The following RAI1 variants were observed in gnomAD, a reference collection of about 807,000 sequenced individuals.
RAI1 encodes retinoic acid induced 1.
A neutral mutation model predicts 123.8 loss-of-function variants in RAI1; 9 were observed. The observed-to-expected ratio is 0.07, with a 90% CI of 0.04 to 0.13. RAI1 has a LOEUF of 0.13. RAI1 is among the 10% of genes least tolerant of loss of function. The pLI is 1.00. For synonymous variants in RAI1, 1,231 were observed against 1,127.3 expected (o/e 1.09, Z -1.84); for missense variants, 2,256 against 2,545.8 (o/e 0.89, Z 2.45).
chr17:17,766,607 C>G (rs151066542), intron 2 of RAI1, among the ~76,000 whole-genome samples: 5 of 152,204 alleles, frequency 3.3e-5, no homozygotes, highest in African/African-American at 1.2e-4. Flanking sequence ...CCAAGGCAGG[C>G]GGAGAGCACT....
At chr17:17,701,908 G>A (rs1915235760) in intron 1 of RAI1, among the ~76,000 whole-genome samples, 1 of 152,248 alleles carries the variant, frequency 6.6e-6, no homozygotes, top group Admixed American at 6.5e-5. Flanking sequence ...ACAGAGGGGA[G>A]TCAGACTTGG....
At position 17,798,357 on chromosome 17, in the gene RAI1, C is replaced by A; in HGVS notation, c.5409C>A (p.Arg1803=). 6.2e-7 allele frequency: 1 copy of A among 1,606,734 alleles called. No individual in the cohort carries two copies. Among genetic ancestry groups the A allele is most frequent in the Non-Finnish European group, 8.5e-7 (1 of 1,176,712 alleles). Residue 1803 remains arginine (R), a synonymous_variant, in exon 3 of 6, where the codon CGC becomes CGA. Coordinates refer to ENST00000353383, the MANE Select transcript of RAI1 (RefSeq NM_030665.4). The part of the protein sequence containing the change: ...GEEAAPADKG[R]KHECSKEAPA... ...AGGCAGCCCCAGCCGACAAGGGTCG[C>A]AAACATGAGTGCAGCAAGGAGGCTC...
At chr17:17,748,868 G>T (rs2030033678) in intron 2 of RAI1, among the ~76,000 whole-genome samples, 1 of 152,060 alleles carries the variant, frequency 6.6e-6, no homozygotes, top group Non-Finnish European at 1.5e-5. Context: ...AATCACTGGG[G>T]GCTTCAGCCC....
At chr17:17,696,621 C>T (rs1239253851) in intron 1 of RAI1, among the ~76,000 whole-genome samples, 1 of 152,228 alleles carries the variant, frequency 6.6e-6, no homozygotes, top group East Asian at 1.9e-4. Context: ...TTTGTCCTCT[C>T]CCTACCTGTA....
At position 17,682,267 on chromosome 17, in the gene RAI1, C is replaced by T. The variant is rs535379470; in HGVS notation, c.-149+474C>T. 4.1e-3 allele frequency among the ~76,000 whole-genome samples: 626 copies of T among 151,902 alleles called. 3 individuals carry two copies. The highest frequency in any genetic ancestry group is 0.014 in the Middle Eastern group (4 of 292). ...CATGCGTGACCCGGGCCCGGCGTGG[C>T]CATCGCTTGGGAGTCAGGGCCGGCG... On this transcript the variant is annotated intron_variant, in intron 1 of 5. Coordinates refer to ENST00000353383, the MANE Select transcript of RAI1 (RefSeq NM_030665.4).
At chr17:17,701,824 C>T (rs941554286) in intron 1 of RAI1, among the ~76,000 whole-genome samples, 1 of 152,196 alleles carries the variant, frequency 6.6e-6, no homozygotes, top group African/African-American at 2.4e-5. Flanking sequence ...GAGACCAAAG[C>T]CTGAAGCATT....
chr17:17,803,806 A>G lies in RAI1; in HGVS notation c.5616A>G (p.Lys1872=), dbSNP rs1204448546. ...GGGCCACCATTGGGTGCTGCCACAA[A>G]GGATGCCTCCACACCTACCACTACC... ...EAGATIGCCH[K]GCLHTYHYPC... is the part of the protein sequence containing the mutation. Residue 1872 remains lysine, a synonymous_variant, in exon 4 of 6, where the codon AAA becomes AAG. Coordinates refer to ENST00000353383, the MANE Select transcript of RAI1 (RefSeq NM_030665.4). The G allele has an allele frequency of 1.2e-6, 2 of 1,613,430 alleles. No homozygotes were observed. The highest frequency in any genetic ancestry group is 3.3e-5 in the Admixed American group (2 of 60,000).
Position 17,800,506 on chromosome 17 carries a change from C to T in RAI1, c.5565+1993C>T, listed in dbSNP as rs546637641. On this transcript the variant is annotated intron_variant, in intron 3 of 5. Transcript: ENST00000353383. This position sits in a 1 kb window ranked among gnomAD's most constrained non-coding sequence, Gnocchi z 4.7. ...GGAGGGGTCAGCCCCGAGCACCGAC[C>T]ACCCCATCCTGTCCCTGGCCCATGG... Among the ~76,000 whole-genome samples the T allele has an allele frequency of 3.9e-5, 6 of 152,320 alleles. No homozygotes were observed. Among genetic ancestry groups the T allele is most frequent in the Non-Finnish European group, 7.4e-5 (5 of 68,020 alleles).
intron 1 of RAI1, among the ~76,000 whole-genome samples, chr17:17,693,332 TG>T (rs1307919972): frequency 2.0e-5 from 3 of 152,172 alleles, no homozygotes; most frequent in Non-Finnish European, 4.4e-5. Context: ...TGGCAGCCAG[TG>T]GGTTGCTGGG....
intron 1 of RAI1, among the ~76,000 whole-genome samples, chr17:17,707,146 C>T (rs906389034): frequency 2.6e-5 from 4 of 152,054 alleles, no homozygotes; most frequent in African/African-American, 7.2e-5. Context: ...CCCGCCTCTA[C>T]AAAAAATACA....
chr17:17,770,204 G>T (rs185269516), intron 2 of RAI1, among the ~76,000 whole-genome samples: 1 of 152,086 alleles, frequency 6.6e-6, no homozygotes, highest in Non-Finnish European at 1.5e-5. Context: ...GTCTACCTGC[G>T]GGGTAGGGAG....
At chr17:17,728,391 G>T (rs543173974) in intron 2 of RAI1, among the ~76,000 whole-genome samples, 13 of 152,242 alleles carry the variant, frequency 8.5e-5, no homozygotes, top group African/African-American at 1.7e-4. Context: ...TGATCCGCAC[G>T]TTAATTAAAA....
chr17:17,711,829 C>T (rs1329880195), intron 1 of RAI1, among the ~76,000 whole-genome samples: 1 of 152,250 alleles, frequency 6.6e-6, no homozygotes, highest in Non-Finnish European at 1.5e-5. Flanking sequence ...CCTCCTCCTG[C>T]GCACCACATC....
chr17:17,744,379 A>G (rs1270313538), intron 2 of RAI1, among the ~76,000 whole-genome samples: 1 of 152,210 alleles, frequency 6.6e-6, no homozygotes, highest in East Asian at 1.9e-4. Flanking sequence ...CCAGAAAGGC[A>G]AGGCCCCACA....
intron 1 of RAI1, among the ~76,000 whole-genome samples, chr17:17,715,317 C>G (rs535056155): frequency 6.6e-6 from 1 of 152,220 alleles, no homozygotes. Flanking sequence ...GCTGTGAGAC[C>G]GGGCAGTGGT....
rs747968359 is a variant in RAI1, at chr17:17,801,996, G to T, written c.5566-1760G>T. ...CTGGCTTCGCACTTGGGCAGAGGCC[G>T]CCGCCCTCTCTGCTGCCTTCTCTAC... On this transcript the variant is annotated intron_variant, in intron 3 of 5. Transcript: ENST00000353383. The surrounding 1 kb of genome is among the most constrained non-coding windows in gnomAD (Gnocchi z 4.1). 2 of 461,884 alleles carry T rather than the reference G, an allele frequency of 4.3e-6. No homozygotes were observed. Among genetic ancestry groups the T allele is most frequent in the South Asian group, 3.1e-5 (2 of 63,878 alleles). 28.6% of individuals were successfully genotyped at this position (461,884 alleles called of 1,614,324 possible). A position where few individuals can be genotyped will look rare whatever the true frequency, so the allele number is the denominator to read the frequency against.
intron 1 of RAI1, among the ~76,000 whole-genome samples, chr17:17,703,028 G>T (rs180920830): frequency 7.2e-5 from 11 of 152,234 alleles, no homozygotes; most frequent in African/African-American, 2.7e-4. Flanking sequence ...TGTACTTTAC[G>T]TGTAGTAAGT....
intron 1 of RAI1, 23 bp downstream of exon 1, chr17:17,681,816 C>CGCG (rs1555551724): frequency 2.4e-5 from 7 of 297,578 alleles, no homozygotes; most frequent in Non-Finnish European, 4.4e-5. Context: ...CGCCGGGGCG[C>CGCG]GGGGGGCGCA....
At position 17,800,170 on chromosome 17, in the gene RAI1, G is replaced by GTCTCTCTCTGTCTCTCTCTC. The variant is rs2032404342; in HGVS notation, c.5565+1667_5565+1686dup. On this transcript the variant is annotated intron_variant, in intron 3 of 5. Transcript: ENST00000353383. This position sits in a 1 kb window ranked among gnomAD's most constrained non-coding sequence, Gnocchi z 4.7. ...ATTTTTTGCCTCTCTCCTGCTTTCT[G>GTCTCTCTCTGTCTCTCTCTC]TCTCTCTCTGTCTCTCTCTCTCTCT... Among the ~76,000 whole-genome samples the GTCTCTCTCTGTCTCTCTCTC allele has an allele frequency of 3.0e-5, 1 of 33,544 alleles. No homozygotes were observed. Among genetic ancestry groups the GTCTCTCTCTGTCTCTCTCTC allele is most frequent in the African/African-American group, 9.8e-5 (1 of 10,234 alleles). The allele number at this position is 33,544 out of a possible 152,430, so 22.0% of individuals were successfully genotyped here. A position where few individuals can be genotyped will look rare whatever the true frequency, so the allele number is the denominator to read the frequency against.
Sources: gnomAD v4.1 joint callset for allele counts (sites outside exome capture counted in the v4.1 genomes callset) on GRCh38, gnomAD v4.1.1 for gene constraint, Gnocchi (gnomAD v3.1) non-coding constraint, MANE v1.5 for transcripts, NCBI Gene and HGNC (gene_info 2026-07-23, HGNC 2026-07-21) for gene names.